The following SCN11A variants were observed in gnomAD, a reference collection of about 807,000 sequenced individuals.
SCN11A encodes sodium voltage-gated channel alpha subunit 11.
A neutral mutation model predicts 162.2 loss-of-function variants in SCN11A; 122 were observed. That is an observed-to-expected ratio of 0.75 (90% CI 0.65 to 0.87). SCN11A has a LOEUF of 0.87. Among genes scored for constraint, SCN11A ranks in the 40% least tolerant of loss-of-function variants. SCN11A has a pLI of 0.00. For synonymous variants in SCN11A, 758 were observed against 751.5 expected (o/e 1.01, Z -0.14); for missense variants, 2,015 against 2,181.6 (o/e 0.92, Z 1.52).
chr3:39,031,826 C>T (rs1267239218), intron 2 of SCN11A, among the ~76,000 whole-genome samples: 1 of 152,072 alleles, frequency 6.6e-6, no homozygotes, highest in South Asian at 2.1e-4. Context: ...GATTAATATC[C>T]GTGATAGGCT....
At chr3:38,936,683 C>T (rs1379211828) in intron 7 of SCN11A, among the ~76,000 whole-genome samples, 1 of 151,996 alleles carries the variant, frequency 6.6e-6, no homozygotes, top group Admixed American at 6.6e-5. Flanking sequence ...AGGACCTCTT[C>T]AAGGAGAACT....
chr3:38,851,215 A>G (rs890584095), intron 28 of SCN11A, among the ~76,000 whole-genome samples: 1 of 152,188 alleles, frequency 6.6e-6, no homozygotes, highest in Non-Finnish European at 1.5e-5. Flanking sequence ...AGTATCTTCA[A>G]TGCTCCATTT....
intron 2 of SCN11A, among the ~76,000 whole-genome samples, chr3:38,969,134 G>A (rs11709425): frequency 0.14 from 20,860 of 152,114 alleles, 1,668 homozygotes; most frequent in East Asian, 0.24. Context: ...AACAAGGCAG[G>A]CAGGCAGGCA....
At chr3:38,928,762 T>C (rs1225555088) in intron 7 of SCN11A, among the ~76,000 whole-genome samples, 3 of 152,184 alleles carry the variant, frequency 2.0e-5, no homozygotes, top group Non-Finnish European at 4.4e-5. Flanking sequence ...GGATGGCTAC[T>C]ATTTTTTAAA....
intron 2 of SCN11A, among the ~76,000 whole-genome samples, chr3:39,001,277 G>C (rs2125598438): frequency 6.6e-6 from 1 of 152,218 alleles, no homozygotes; most frequent in African/African-American, 2.4e-5. Context: ...TTACAAAGCT[G>C]ATCTCCATTC....
intron 2 of SCN11A, among the ~76,000 whole-genome samples, chr3:38,971,467 A>G (rs186592536): frequency 1.3e-5 from 2 of 152,302 alleles, no homozygotes; most frequent in Admixed American, 1.3e-4. Flanking sequence ...TGGCCTGGCT[A>G]AGGCTCACCT....
intron 27 of SCN11A, among the ~76,000 whole-genome samples, chr3:38,864,832 A>T (rs997611895): frequency 6.6e-6 from 1 of 152,198 alleles, no homozygotes; most frequent in Non-Finnish European, 1.5e-5. Flanking sequence ...TATGTATTTG[A>T]ATCCTGATTT....
intron 2 of SCN11A, among the ~76,000 whole-genome samples, chr3:39,022,030 T>C (rs575422093): frequency 6.6e-6 from 1 of 152,180 alleles, no homozygotes; most frequent in African/African-American, 2.4e-5. Context: ...CAGATATCAA[T>C]CAACCAAGTG....
At chr3:39,042,184 G>A (rs762237623) in intron 1 of SCN11A, among the ~76,000 whole-genome samples, 114 of 152,058 alleles carry the variant, frequency 7.5e-4, no homozygotes, top group Admixed American at 1.4e-3. Flanking sequence ...CAGGAATATC[G>A]CTTGAACCCA....
chr3:39,001,301 G>T (rs2030804542), intron 2 of SCN11A, among the ~76,000 whole-genome samples: 1 of 152,090 alleles, frequency 6.6e-6, no homozygotes, highest in Non-Finnish European at 1.5e-5. Flanking sequence ...CCAGTCCCCA[G>T]CCCTTGGCAA....
chr3:38,970,751 G>A (rs185369870), intron 2 of SCN11A, among the ~76,000 whole-genome samples: 27 of 152,222 alleles, frequency 1.8e-4, no homozygotes, highest in Admixed American at 6.5e-5. Context: ...ATAACACCCC[G>A]CATGATGTTG....
intron 24 of SCN11A, 37 bp from the exon 25 acceptor site, chr3:38,871,745 G>A: frequency 6.5e-7 from 1 of 1,537,436 alleles, no homozygotes; most frequent in African/African-American, 1.4e-5. Context: ...CATAACAGAT[G>A]GGTAGGATGC....
intron 29 of SCN11A, among the ~76,000 whole-genome samples, chr3:38,848,713 C>T (rs1053581836): frequency 6.6e-6 from 1 of 152,228 alleles, no homozygotes. Context: ...CCATAGTAAT[C>T]TGTTCTTTCT....
At chr3:38,907,350 C>CATA (rs1559523584) in intron 14 of SCN11A, among the ~76,000 whole-genome samples, 186 of 51,452 alleles carry the variant, frequency 3.6e-3, no homozygotes, top group African/African-American at 6.3e-3. Context: ...GTGTATATAT[C>CATA]TATATATACA....
At chr3:38,847,776 G>T in intron 29 of SCN11A, 34 bp from the exon 30 acceptor site, 1 of 1,386,206 alleles carries the variant, frequency 7.2e-7, no homozygotes, top group Non-Finnish European at 9.9e-7. Flanking sequence ...TAAGTTTCCA[G>T]AAGGCACACT....
At position 39,015,408 on chromosome 3, in the gene SCN11A, C is replaced by T. The variant is rs117562860; in HGVS notation, c.-280+16972G>A. On this transcript the variant is annotated intron_variant, in intron 2 of 29. Coordinates refer to ENST00000302328, the MANE Select transcript of SCN11A (RefSeq NM_001349253.2). ...AAGACAACCACTTTGGGTTTCTATACACAAACCCACTGAGTAAGCACAGAA... is the reference window on the plus strand; with the variant it reads ...AAGACAACCACTTTGGGTTTCTATATACAAACCCACTGAGTAAGCACAGAA... Among the ~76,000 whole-genome samples, 37 of 152,172 alleles carry T rather than the reference C, an allele frequency of 2.4e-4. No homozygotes were observed. In the East Asian group the frequency reaches 7.0e-3, roughly 29 times the overall value.
At chr3:38,880,833 C>T (rs549183739) in intron 22 of SCN11A, among the ~76,000 whole-genome samples, 1 of 152,306 alleles carries the variant, frequency 6.6e-6, no homozygotes, top group East Asian at 1.9e-4. Context: ...TTCCCTCACG[C>T]AAACTGTATG....
intron 2 of SCN11A, among the ~76,000 whole-genome samples, chr3:38,988,000 C>A (rs2030319892): frequency 6.6e-6 from 1 of 152,198 alleles, no homozygotes; most frequent in South Asian, 2.1e-4. Context: ...GTCATACCGT[C>A]CTGCCTCCAG....
intron 1 of SCN11A, among the ~76,000 whole-genome samples, chr3:39,049,246 A>G (rs945655819): frequency 6.6e-6 from 1 of 152,270 alleles, no homozygotes; most frequent in Non-Finnish European, 1.5e-5. Context: ...TCTTCAATAT[A>G]TCTTCAATAA....
Sources: allele counts gnomAD v4.1 joint callset (sites outside exome capture counted in the v4.1 genomes callset), GRCh38; gene constraint gnomAD v4.1.1; transcripts MANE v1.5; gene names NCBI Gene and HGNC (gene_info 2026-07-23, HGNC 2026-07-21).